The following PRAMEF17 variants were observed in gnomAD, a reference collection of about 807,000 sequenced individuals.
PRAMEF17 encodes PRAME family member 17.
In PRAMEF17, 48 loss-of-function variants were observed where a neutral mutation model predicts 36.8. That is an observed-to-expected ratio of 1.30 (90% CI 1.03 to 1.66). The LOEUF (loss-of-function observed/expected upper bound fraction) is 1.66. Ranked by LOEUF, PRAMEF17 falls within the 40% of genes most tolerant of loss-of-function variation. PRAMEF17 has a pLI of 0.00. For missense variants in PRAMEF17, 639 were observed against 560.6 expected (o/e 1.14, Z -1.41); for synonymous variants, 246 against 220.4 (o/e 1.12, Z -1.03).
rs369155646 is a variant in PRAMEF17, at chr1:13,390,328, A to G, written c.288-13A>G. 7,011 of 1,611,922 alleles carry G rather than the reference A, an allele frequency of 4.3e-3. 39 individuals carry two copies. The highest frequency in any genetic ancestry group is 0.023 in the African/African-American group (1,746 of 74,946). ...TGCCTACATTCTGAGCTTTTCCCCT[A>G]TGTTACTCACAGGAGGTGGAAACTT... On this transcript the variant is annotated splice_polypyrimidine_tract_variant and intron_variant, in intron 1 of 2. Coordinates refer to ENST00000376098, the MANE Select transcript of PRAMEF17 (RefSeq NM_001099851.3).
intron 1 of PRAMEF17, 51 bp downstream of exon 1, chr1:13,389,995 G>A: frequency 1.2e-6 from 2 of 1,611,834 alleles, no homozygotes; most frequent in South Asian, 2.2e-5. Flanking sequence ...TCCAGGGAAG[G>A]GACAGCTGGC....
Position 13,390,562 on chromosome 1 carries a change from G to A in PRAMEF17, c.509G>A (p.Trp170Ter), listed in dbSNP as rs1325357802. The A allele has an allele frequency of 2.4e-4, 394 of 1,611,800 alleles. No individual in the cohort carries two copies. Among genetic ancestry groups the A allele is most frequent in the Non-Finnish European group, 2.7e-4 (318 of 1,179,838 alleles). Residue 170 changes from tryptophan (W) to a stop codon, truncating the protein, a stop_gained, in exon 2 of 3, where the codon TGG becomes TAG. Transcript: ENST00000376098. LOFTEE classifies it high-confidence loss of function. ...LDECLSYLCR[W>*]IHYRRGLVHL... ...GAATGCCTGAGCTACCTCTGCAGGT[G>A]GATCCACTACAGAAGAGGTCTAGTG...
chr1:13,391,037 G>A (rs1640874316), intron 2 of PRAMEF17, 118 bp downstream of exon 2: 2 of 1,439,986 alleles, frequency 1.4e-6, no homozygotes, highest in Non-Finnish European at 1.9e-6. Flanking sequence ...ACAGGGAATG[G>A]GACGCTAGAA....
Position 13,390,429 on chromosome 1 carries a change from C to A in PRAMEF17, c.376C>A (p.Pro126Thr). ...TGGAGCCAGGGCCCTCTCCTGCTCC[C>A]CAGAGGCCATGAGTAAGAGGCAGAC... is the stretch of plus-strand genomic sequence containing the variant. ...WSGARALSCS[P>T]EAMSKRQTVE... The change falls in exon 2 of 3, where the codon CCA becomes ACA. Residue 126 changes from proline (P) to threonine (T), a missense_variant. Transcript: ENST00000376098. The A allele has an allele frequency of 2.5e-6, 4 of 1,611,920 alleles. No individual in the cohort carries two copies. Among genetic ancestry groups the A allele is most frequent in the Non-Finnish European group, 3.4e-6 (4 of 1,179,834 alleles).
chr1:13,392,513 A>T lies in PRAMEF17; in HGVS notation c.*11A>T. ...CATCTTTGCTCTTAGTGAAGGCCTG[A>T]TTAGTGGGATGGATATGCTTTCTTC... On this transcript the variant is annotated 3_prime_UTR_variant, in exon 3 of 3. Coordinates refer to ENST00000376098, the MANE Select transcript of PRAMEF17 (RefSeq NM_001099851.3). The T allele has an allele frequency of 1.2e-6, 2 of 1,611,832 alleles. No individual in the cohort carries two copies. The highest frequency in any genetic ancestry group is 1.7e-6 in the Non-Finnish European group (2 of 1,179,818).
chr1:13,392,551 C>A lies in PRAMEF17; in HGVS notation c.*49C>A. ...ATATGCTTTCTTCAGGACCCTTAGG[C>A]ACTAAAATCTAGGACACAGGTGGGT... On this transcript the variant is annotated 3_prime_UTR_variant, in exon 3 of 3. Transcript: ENST00000376098. 7 of 1,608,434 alleles carry A rather than the reference C, an allele frequency of 4.4e-6. No individual in the cohort carries two copies. Among genetic ancestry groups the A allele is most frequent in the Non-Finnish European group, 5.9e-6 (7 of 1,178,566 alleles).
Position 13,392,345 on chromosome 1 carries a change from G to T in PRAMEF17, c.1268G>T (p.Gly423Val), listed in dbSNP as rs1328447910. ...PAPLECLDNR[G>V]HVNWEILAPI... is the part of the protein sequence containing the mutation. ...CCTCTGGAGTGTCTTGACAACAGGG[G>T]TCATGTCAATTGGGAGATCCTCGCC... The change falls in exon 3 of 3, where the codon GGT becomes GTT. Residue 423 changes from glycine to valine, a missense_variant. Gly to Val is a moderately radical substitution (Grantham distance 109). Transcript: ENST00000376098. 6.2e-7 allele frequency: 1 copy of T among 1,611,956 alleles called. No individual in the cohort carries two copies. The highest frequency in any genetic ancestry group is 8.5e-7 in the Non-Finnish European group (1 of 1,179,854).
rs1454087005 is a variant in PRAMEF17 at position 13,392,113 on chromosome 1, A to G, written c.1036A>G (p.Lys346Glu). ...TGAGCCCCTTGGAGCTCTGCTAGAG[A>G]AAGTTGCTGCTACTCTCGAGATCCT... ...NLEPLGALLE[K>E]VAATLEILTL... is the part of the protein sequence containing the mutation. The change falls in exon 3 of 3, where the codon AAA (lysine) becomes GAA (glutamate). Residue 346 changes from lysine (K) to glutamate (E), a missense_variant. Transcript: ENST00000376098. 1.9e-6 allele frequency: 3 copies of G among 1,611,904 alleles called. No individual in the cohort carries two copies. Among genetic ancestry groups the G allele is most frequent in the Non-Finnish European group, 2.5e-6 (3 of 1,179,834 alleles).
rs1569849560 is a variant in PRAMEF17 at position 13,390,832 on chromosome 1, A to G, written c.779A>G (p.Asp260Gly). 6.2e-7 allele frequency: 1 copy of G among 1,612,048 alleles called. No homozygotes were observed. Among genetic ancestry groups the G allele is most frequent in the Non-Finnish European group, 8.5e-7 (1 of 1,179,874 alleles). ...CAACAGCAGTTCGTTCCTGACTTGG[A>G]CTGTCCATTCCTCTGCCTGTACTAC... ...SGQQQFVPDL[D>G]CPFLCLYYPQ... The change falls in exon 2 of 3, where the codon GAC becomes GGC. Residue 260 changes from aspartate to glycine, a missense_variant. Coordinates refer to ENST00000376098, the MANE Select transcript of PRAMEF17 (RefSeq NM_001099851.3).
Position 13,390,659 on chromosome 1 carries a change from A to G in PRAMEF17, c.606A>G (p.Val202=), listed in dbSNP as rs1640868284. Residue 202 remains valine, a synonymous_variant, in exon 2 of 3, where the codon GTA becomes GTG. Transcript: ENST00000376098. ...GTTTCAGAAATTTATTGAAAAGGGT[A>G]TACCCAGACAGTATCCAGGAGTTGG... ...TSSFRNLLKR[V]YPDSIQELEI... is the part of the protein sequence containing the mutation. 6.2e-7 allele frequency: 1 copy of G among 1,612,020 alleles called. No individual in the cohort carries two copies. Among genetic ancestry groups the G allele is most frequent in the African/African-American group, 1.3e-5 (1 of 74,990 alleles).
At chr1:13,391,028 C>T (rs1217569817) in intron 2 of PRAMEF17, 109 bp downstream of exon 2, 1 of 1,497,386 alleles carries the variant, frequency 6.7e-7, no homozygotes, top group African/African-American at 1.4e-5. Flanking sequence ...GGTGATGTCA[C>T]AGGGAATGGG....
Position 13,390,485 on chromosome 1 carries a change from C to T in PRAMEF17, c.432C>T (p.His144=), listed in dbSNP as rs199811283. The T allele has an allele frequency of 1.2e-6, 2 of 1,611,844 alleles. No individual in the cohort carries two copies. The highest frequency in any genetic ancestry group is 8.5e-7 in the Non-Finnish European group (1 of 1,179,850). ...AGGACTATCCAAGGACGGGAGAGCA[C>T]CAGCCCTTGAAGGTGTTCATAGACC... The part of the protein sequence containing the change: ...TVEDYPRTGE[H]QPLKVFIDLC... Residue 144 remains histidine (H), a synonymous_variant, in exon 2 of 3, where the codon CAC becomes CAT. Transcript: ENST00000376098.
rs1640899885 is a variant in PRAMEF17 at position 13,392,499 on chromosome 1, T to C, written c.1422T>C (p.Ser474=). The C allele has an allele frequency of 6.2e-7, 1 of 1,611,900 alleles. No individual in the cohort carries two copies. The highest frequency in any genetic ancestry group is 8.5e-7 in the Non-Finnish European group (1 of 1,179,864). ...AGAAAGTGGACTTCCATCTTTGCTC[T>C]TAGTGAAGGCCTGATTAGTGGGATG... The part of the protein sequence containing the change: ...PSEKVDFHLC[S] The change falls in exon 3 of 3, where the codon TCT becomes TCC. Residue 474 remains serine (S), a synonymous_variant. Transcript: ENST00000376098.
At position 13,390,727 on chromosome 1, in the gene PRAMEF17, C is replaced by A; in HGVS notation, c.674C>A (p.Ala225Asp). The change falls in exon 2 of 3, where the codon GCC (alanine) becomes GAC (aspartate). Residue 225 changes from alanine to aspartate, a missense_variant. By Grantham distance (126) the Ala-to-Asp change is moderately radical. Transcript: ENST00000376098. ...KCSLNKTGKF[A>D]PYLSQMSNLR... ...TCTCTGAATAAAACAGGAAAGTTTG[C>A]CCCTTACTTGAGCCAGATGAGCAAT... The A allele has an allele frequency of 1.9e-6, 3 of 1,611,980 alleles. No individual in the cohort carries two copies. The highest frequency in any genetic ancestry group is 2.5e-6 in the Non-Finnish European group (3 of 1,179,844).
Position 13,390,803 on chromosome 1 carries a change from C to G in PRAMEF17, c.750C>G (p.Ser250Arg), listed in dbSNP as rs61997162. 1.2e-6 allele frequency: 2 copies of G among 1,611,776 alleles called. No individual in the cohort carries two copies. The highest frequency in any genetic ancestry group is 1.7e-6 in the Non-Finnish European group (2 of 1,179,724). ...AFGYDDELYV[S>R]GQQQFVPDLD... is the part of the protein sequence containing the mutation. Reference sequence around the variant, plus strand: ...GTTATGACGATGAGTTATATGTAAGCGGCCAACAGCAGTTCGTTCCTGACT... The same window carrying G: ...GTTATGACGATGAGTTATATGTAAGGGGCCAACAGCAGTTCGTTCCTGACT... Residue 250 changes from serine to arginine, a missense_variant, in exon 2 of 3, where the codon AGC becomes AGG. Physicochemically the swap from Ser to Arg is moderately radical, Grantham distance 110. Transcript: ENST00000376098.
rs759218701 is a variant in PRAMEF17 at position 13,392,460 on chromosome 1, C to G, written c.1383C>G (p.Gly461=). ...FFGPIPCPSC[G]SWPSEKVDFH... is the part of the protein sequence containing the mutation. ...GTCCCATCCCCTGCCCTTCCTGTGG[C>G]TCATGGCCATCTGAGAAAGTGGACT... The change falls in exon 3 of 3, where the codon GGC becomes GGG. Residue 461 remains glycine, a synonymous_variant. Transcript: ENST00000376098. The G allele has an allele frequency of 8.6e-5, 138 of 1,611,924 alleles. No homozygotes were observed. Among genetic ancestry groups the G allele is most frequent in the Non-Finnish European group, 1.2e-4 (136 of 1,179,874 alleles).
chr1:13,392,151 C>A lies in PRAMEF17; in HGVS notation c.1074C>A (p.Asp358Glu), dbSNP rs1314912213. 6.2e-7 allele frequency: 1 copy of A among 1,611,990 alleles called. No individual in the cohort carries two copies. The highest frequency in any genetic ancestry group is 8.5e-7 in the Non-Finnish European group (1 of 1,179,850). ...CTCTCGAGATCCTCACGTTAAAGGA[C>A]TGTCAGATCCAGGACTCCCAGCTCA... ...AATLEILTLK[D>E]CQIQDSQLRV... The change falls in exon 3 of 3, where the codon GAC becomes GAA. Residue 358 changes from aspartate (D) to glutamate (E), a missense_variant. Physicochemically the swap from Asp to Glu is conservative, Grantham distance 45. Coordinates refer to ENST00000376098, the MANE Select transcript of PRAMEF17 (RefSeq NM_001099851.3).
rs749136943 is a variant in PRAMEF17 at position 13,390,652 on chromosome 1, A to G, written c.599A>G (p.Lys200Arg). The G allele has an allele frequency of 3.2e-5, 52 of 1,611,916 alleles. No individual in the cohort carries two copies. The highest frequency in any genetic ancestry group is 4.4e-5 in the Non-Finnish European group (52 of 1,179,872). Residue 200 changes from lysine (K) to arginine (R), a missense_variant, in exon 2 of 3, where the codon AAA (lysine) becomes AGA (arginine). Coordinates refer to ENST00000376098, the MANE Select transcript of PRAMEF17 (RefSeq NM_001099851.3). ...MPTSSFRNLL[K>R]RVYPDSIQEL... is the part of the protein sequence containing the mutation. ...ACTTCAAGTTTCAGAAATTTATTGA[A>G]AAGGGTATACCCAGACAGTATCCAG...
At position 13,392,192 on chromosome 1, in the gene PRAMEF17, C is replaced by T; in HGVS notation, c.1115C>T (p.Ala372Val). ...QDSQLRVLLP[A>V]LSRCSQLTTF... is the part of the protein sequence containing the mutation. The stretch of plus-strand genomic sequence containing the variant: ...TCCCAGCTCAGGGTCCTCCTGCCTG[C>T]CCTGAGCCGCTGCTCCCAGCTCACC... The change falls in exon 3 of 3, where the codon GCC becomes GTC. Residue 372 changes from alanine (A) to valine (V), a missense_variant. Transcript: ENST00000376098. 1.2e-6 allele frequency: 2 copies of T among 1,611,956 alleles called. No homozygotes were observed. The highest frequency in any genetic ancestry group is 1.7e-6 in the Non-Finnish European group (2 of 1,179,832).
Sources: gnomAD v4.1 joint callset for allele counts on GRCh38, gnomAD v4.1.1 for gene constraint, MANE v1.5 for transcripts, NCBI Gene and HGNC (gene_info 2026-07-23, HGNC 2026-07-21) for gene names.